Variants in HSP90AA1 observed in about 807,000 individuals in gnomAD.
The protein encoded by HSP90AA1 is heat shock protein HSP 90-alpha.
HSP90AA1 carries 18 observed loss-of-function variants against 73.3 expected under a neutral mutation model. That is an observed-to-expected ratio of 0.25 (90% confidence interval 0.17 to 0.36). The LOEUF (loss-of-function observed/expected upper bound fraction) is 0.36. HSP90AA1 is among the 10% of genes least tolerant of loss of function. The probability of loss-of-function intolerance (pLI) is 1.00; values close to 1 mark genes in which losing one functional copy is unlikely to be tolerated. For synonymous variants in HSP90AA1, 477 were observed against 296.9 expected (o/e 1.61, Z -6.24); for missense variants, 704 against 874.2 (o/e 0.81, Z 2.45).
intron 1 of HSP90AA1, among the ~76,000 whole-genome samples, chr14:102,121,397 C>T (rs1028694160): frequency 6.6e-6 from 1 of 152,130 alleles, no homozygotes; most frequent in Non-Finnish European, 1.5e-5. Flanking sequence ...TACACATAAT[C>T]TTTGTACATT....
intron 1 of HSP90AA1, among the ~76,000 whole-genome samples, chr14:102,122,511 G>C (rs190308430): frequency 2.6e-5 from 4 of 152,006 alleles, no homozygotes; most frequent in African/African-American, 7.2e-5. Flanking sequence ...TTGATCTCCT[G>C]ATCTTGTGAT....
chr14:102,099,844 G>GTCAT (rs200632351), intron 2 of HSP90AA1, among the ~76,000 whole-genome samples: 3,514 of 152,226 alleles, frequency 0.023, 79 homozygotes, highest in South Asian at 0.1. Context: ...TGGGTTTCCT[G>GTCAT]TCATTAGTGG....
chr14:102,105,418 GA>G (rs2049554437), intron 1 of HSP90AA1, among the ~76,000 whole-genome samples: 1 of 152,110 alleles, frequency 6.6e-6, no homozygotes, highest in African/African-American at 2.4e-5. Flanking sequence ...GTGAGGACGA[GA>G]AAAGGCTTCC....
chr14:102,124,236 G>A (rs1356505633), intron 1 of HSP90AA1, among the ~76,000 whole-genome samples: 1 of 129,758 alleles, frequency 7.7e-6, no homozygotes, highest in Non-Finnish European at 1.6e-5. Flanking sequence ...TTGTCTCCCA[G>A]GCTGGAGCAC....
intron 1 of HSP90AA1, among the ~76,000 whole-genome samples, chr14:102,119,036 G>A (rs10135034): frequency 0.069 from 10,408 of 151,896 alleles, 714 homozygotes; most frequent in African/African-American, 0.17. Context: ...TGTATTTTTA[G>A]TAGAGATGAG....
At chr14:102,100,961 C>G (rs1432975732) in intron 2 of HSP90AA1, among the ~76,000 whole-genome samples, 2 of 152,156 alleles carry the variant, frequency 1.3e-5, no homozygotes, top group Admixed American at 6.6e-5. Flanking sequence ...TATCCTTACC[C>G]ACAAATCACA....
intron 1 of HSP90AA1, among the ~76,000 whole-genome samples, chr14:102,128,582 C>T (rs887445413): frequency 1.3e-5 from 2 of 148,170 alleles, no homozygotes; most frequent in Admixed American, 1.4e-4. Context: ...AAGCCAAGAT[C>T]GCACCATTGC....
chr14:102,129,118 G>A lies in HSP90AA1; in HGVS notation c.155+10132C>T, dbSNP rs530076866. ...AAATAAATTGAGCACTATAGATAGAGTGGCTCTAGTTTTGATTTTTTTTTT... is the reference window on the plus strand; with the variant it reads ...AAATAAATTGAGCACTATAGATAGAATGGCTCTAGTTTTGATTTTTTTTTT... On this transcript the variant is annotated intron_variant, in intron 1 of 11. Coordinates refer to the HSP90AA1 transcript ENST00000334701. 1.4e-4 allele frequency among the ~76,000 whole-genome samples: 21 copies of A among 150,150 alleles called. No homozygotes were observed. In the South Asian group the frequency reaches 4.2e-3, roughly 30 times the overall value.
intron 1 of HSP90AA1, among the ~76,000 whole-genome samples, chr14:102,110,349 T>C (rs2049623452): frequency 6.6e-6 from 1 of 152,204 alleles, no homozygotes; most frequent in South Asian, 2.1e-4. Context: ...GGAAGAAATT[T>C]CTAAGCCACA....
upstream of HSP90AA1, among the ~76,000 whole-genome samples, chr14:102,088,200 G>A (rs1009021109): frequency 6.6e-6 from 1 of 152,112 alleles, no homozygotes; most frequent in African/African-American, 2.4e-5. Context: ...TTTCTACATG[G>A]GAATTTTCGG....
At chr14:102,089,414 C>T (rs550491874), upstream of HSP90AA1, among the ~76,000 whole-genome samples, 7 of 152,288 alleles carry the variant, frequency 4.6e-5, no homozygotes, top group Admixed American at 3.3e-4. Flanking sequence ...GGTTAATAAA[C>T]AGGACATTTT....
At position 102,081,063 on chromosome 14, in the gene HSP90AA1, G is replaced by A. The variant is rs1288661133; in HGVS notation, c.*649C>T. 2 of 227,938 alleles carry A rather than the reference G, an allele frequency of 8.8e-6. No homozygotes were observed. The highest frequency in any genetic ancestry group is 5.6e-5 in the Admixed American group (1 of 17,790). The allele number at this position is 227,938 out of a possible 1,614,324, so 14.1% of individuals were successfully genotyped here. Reference sequence around the variant, plus strand: ...TCACACAATATCTTTTAACTCATCTGTATTTGTTACAACTTTAAGCAGAAT... The same window carrying A: ...TCACACAATATCTTTTAACTCATCTATATTTGTTACAACTTTAAGCAGAAT... On this transcript the variant is annotated 3_prime_UTR_variant, in exon 11 of 11. Transcript: ENST00000216281.
Position 102,084,809 on chromosome 14 carries a change from T to C in HSP90AA1, c.853A>G (p.Ile285Val), listed in dbSNP as rs1294630795. Residue 285 changes from isoleucine to valine, a missense_variant, in exon 5 of 11, where the codon ATC becomes GTC. Ile to Val is a conservative substitution (Grantham distance 29). Transcript: ENST00000216281. ...GTTTTGTTGAGCTCTTCTTGATCGATGTACTTTTCCTTAATCTTCTTCTTC... is the reference window on the plus strand; with the variant it reads ...GTTTTGTTGAGCTCTTCTTGATCGACGTACTTTTCCTTAATCTTCTTCTTC... ...KKKKKIKEKY[I>V]DQEELNKTKP... 6 of 1,613,554 alleles carry C rather than the reference T, an allele frequency of 3.7e-6. No homozygotes were observed. In the African/African-American group the frequency reaches 6.7e-5, roughly 18 times the overall value.
intron 6 of HSP90AA1, 41 bp from the exon 7 acceptor site, chr14:102,084,024 G>A (rs779086433): frequency 2.1e-5 from 30 of 1,430,164 alleles, no homozygotes; most frequent in Non-Finnish European, 2.8e-5. Flanking sequence ...TCATTCCAAG[G>A]ACAAAACTGG....
chr14:102,082,391 T>A lies in HSP90AA1; in HGVS notation c.1809A>T (p.Thr603=), dbSNP rs568078746. 1.8e-5 allele frequency: 29 copies of A among 1,613,858 alleles called. No individual in the cohort carries two copies. The South Asian group carries it at 2.7e-4, about 15-fold the overall frequency. ...TCTCCATGTTTGCTGTCCAGCCATA[T>A]GTGCTTGTGACAATACAGCATGGAG... is the stretch of plus-strand genomic sequence containing the variant. ...VTSPCCIVTS[T]YGWTANMERI... The change falls in exon 10 of 11, where the codon ACA becomes ACT. Residue 603 remains threonine, a synonymous_variant. Transcript: ENST00000216281.
At position 102,095,012 on chromosome 14, in the gene HSP90AA1, G is replaced by A. The variant is rs142525856; in HGVS notation, c.366+6863C>T. 2.4e-4 allele frequency among the ~76,000 whole-genome samples: 37 copies of A among 152,250 alleles called. No homozygotes were observed. In the East Asian group the frequency reaches 6.8e-3, roughly 28 times the overall value. Reference sequence around the variant, plus strand: ...GGGTGGGTGAGGCTGTGTTCACCAGGGGAACATAGGGCTCAGGCAGATGAT... The same window carrying A: ...GGGTGGGTGAGGCTGTGTTCACCAGAGGAACATAGGGCTCAGGCAGATGAT... On this transcript the variant is annotated intron_variant, in intron 2 of 11. Transcript: ENST00000334701.
chr14:102,120,182 AGTGG>A (rs779403607), intron 1 of HSP90AA1, among the ~76,000 whole-genome samples: 105 of 151,908 alleles, frequency 6.9e-4, no homozygotes, highest in South Asian at 2.9e-3. Context: ...TGGGAAACAC[AGTGG>A]GACCCCATCT....
chr14:102,132,275 G>C (rs1184440218), intron 1 of HSP90AA1, among the ~76,000 whole-genome samples: 1 of 152,194 alleles, frequency 6.6e-6, no homozygotes, highest in Non-Finnish European at 1.5e-5. Flanking sequence ...GCTGAGGTAG[G>C]AGAACAGCTT....
chr14:102,085,108 A>G (rs2049194159), intron 4 of HSP90AA1, 110 bp from the exon 5 acceptor site: 1 of 1,569,168 alleles, frequency 6.4e-7, no homozygotes, highest in Non-Finnish European at 8.7e-7. Flanking sequence ...CAACTTGAGA[A>G]GCACCCAGCT....
Sources: allele counts gnomAD v4.1 joint callset (sites outside exome capture counted in the v4.1 genomes callset), GRCh38; gene constraint gnomAD v4.1.1; transcripts MANE v1.5; gene names NCBI Gene and HGNC (gene_info 2026-07-23, HGNC 2026-07-21).